Variants in ZC3H13 observed in about 807,000 individuals in gnomAD.
ZC3H13 encodes zinc finger CCCH-type containing 13.
In ZC3H13, 64 loss-of-function variants were observed where a neutral mutation model predicts 204.1. That is an observed-to-expected ratio of 0.31 (90% CI 0.26 to 0.39). ZC3H13 has a LOEUF of 0.39. ZC3H13 is among the 10% of genes least tolerant of loss of function. The pLI is 1.00. For synonymous variants in ZC3H13, 667 were observed against 693.7 expected (o/e 0.96, Z 0.60); for missense variants, 1,833 against 2,082.7 (o/e 0.88, Z 2.33).
rs1473145520 is a variant in ZC3H13 at position 46,003,135 on chromosome 13, T to G, written c.944+4A>C. 2 of 1,608,022 alleles carry G rather than the reference T, an allele frequency of 1.2e-6. No individual in the cohort carries two copies. Among genetic ancestry groups the G allele is most frequent in the Admixed American group, 3.4e-5 (2 of 59,008 alleles). On this transcript the variant is annotated splice_donor_region_variant and intron_variant, in intron 8 of 18. Coordinates refer to ENST00000679008, the MANE Select transcript of ZC3H13 (RefSeq NM_001330564.2). Reference sequence around the variant, plus strand: ...TATTGTTAAAAACATACAATCCTACTTACCTTGGCTTGTCTCTCTTTTCTC... The same window carrying G: ...TATTGTTAAAAACATACAATCCTACGTACCTTGGCTTGTCTCTCTTTTCTC...
chr13:46,050,544 T>C (rs894905937), intron 1 of ZC3H13, among the ~76,000 whole-genome samples: 2 of 152,180 alleles, frequency 1.3e-5, no homozygotes, highest in African/African-American at 2.4e-5. Flanking sequence ...TAAATCCCTA[T>C]ACTCTGAATT....
chr13:46,042,394 T>A (rs967375389), intron 3 of ZC3H13, 119 bp from the exon 4 acceptor site: 5 of 634,642 alleles, frequency 7.9e-6, no homozygotes, highest in East Asian at 3.1e-5. Flanking sequence ...CAAATCTCAA[T>A]ACACTTTTTC....
At chr13:45,976,464 T>C (rs1953057591) in intron 11 of ZC3H13, among the ~76,000 whole-genome samples, 1 of 152,236 alleles carries the variant, frequency 6.6e-6, no homozygotes. Context: ...GTAAAAAGTG[T>C]TTCATATTAG....
At position 45,985,669 on chromosome 13, in the gene ZC3H13, T is replaced by C. The variant is rs750129609; in HGVS notation, c.1348A>G (p.Arg450Gly). The change falls in exon 10 of 19, where the codon AGA becomes GGA. Residue 450 changes from arginine to glycine, a missense_variant. Physicochemically the swap from Arg to Gly is moderately radical, Grantham distance 125. Around this residue, in one of 5 missense-constraint regions of ZC3H13, gnomAD observed 1,574 missense variants for 1,757.2 expected, o/e 0.90. Transcript: ENST00000679008. ...QSSSRDHRDD[R>G]EPRDGRDRRD... ...CGATCCCGACCATCTCGAGGTTCTC[T>C]GTCATCTCTGTGGTCTCTAGAAGAG... 6.2e-6 allele frequency: 10 copies of C among 1,614,016 alleles called. No homozygotes were observed. Among genetic ancestry groups the C allele is most frequent in the Non-Finnish European group, 2.5e-6 (3 of 1,180,046 alleles).
At chr13:45,996,372 C>T (rs1179692236) in intron 8 of ZC3H13, among the ~76,000 whole-genome samples, 1 of 152,138 alleles carries the variant, frequency 6.6e-6, no homozygotes, top group Admixed American at 6.5e-5. Context: ...TGATTTACAT[C>T]TCTTCTAAAC....
At chr13:46,000,564 ACT>A (rs1227129573) in intron 8 of ZC3H13, among the ~76,000 whole-genome samples, 2 of 152,010 alleles carry the variant, frequency 1.3e-5, no homozygotes, top group Non-Finnish European at 2.9e-5. Flanking sequence ...TCCAGATTAG[ACT>A]CTGGCTTAAA....
intron 11 of ZC3H13, chr13:45,976,073 ACC>A: frequency 2.7e-6 from 2 of 740,880 alleles, no homozygotes; most frequent in Non-Finnish European, 3.3e-6. Context: ...CTCCCCGTCA[ACC>A]CCCTTCCCCC....
At chr13:46,014,593 G>A (rs977226980) in intron 5 of ZC3H13, among the ~76,000 whole-genome samples, 4 of 152,080 alleles carry the variant, frequency 2.6e-5, no homozygotes, top group African/African-American at 4.8e-5. Context: ...TGTCTGAGAC[G>A]TTTTCTAAAT....
At chr13:46,034,814 T>C (rs1167453079) in intron 4 of ZC3H13, among the ~76,000 whole-genome samples, 1 of 152,120 alleles carries the variant, frequency 6.6e-6, no homozygotes, top group Non-Finnish European at 1.5e-5. Flanking sequence ...AAGGGACATC[T>C]GGGCATAAAA....
Position 45,967,550 on chromosome 13 carries a change from C to T in ZC3H13, c.4275G>A (p.Gln1425=). 1 of 1,604,176 alleles carries T rather than the reference C, an allele frequency of 6.2e-7. No homozygotes were observed. Among genetic ancestry groups the T allele is most frequent in the Non-Finnish European group, 8.5e-7 (1 of 1,175,704 alleles). The part of the protein sequence containing the change: ...ERMDKDLGSV[Q]GFEETNKSER... ...CGGATTTATTTGTTTCTTCAAATCC[C>T]TGCACAGATCCCAGATCTTTATCCA... Residue 1425 remains glutamine, a synonymous_variant, in exon 15 of 19, where the codon CAG becomes CAA. Transcript: ENST00000679008.
chr13:45,957,260 A>T lies in ZC3H13; in HGVS notation c.4877T>A (p.Val1626Glu). The T allele has an allele frequency of 6.5e-7, 1 of 1,547,144 alleles. No homozygotes were observed. The highest frequency in any genetic ancestry group is 8.7e-7 in the Non-Finnish European group (1 of 1,145,062). Residue 1626 changes from valine (V) to glutamate (E), a missense_variant, in exon 19 of 19, where the codon GTA becomes GAA. Val to Glu is a moderately radical substitution (Grantham distance 121). Around this residue, in one of 5 missense-constraint regions of ZC3H13, gnomAD observed 211 missense variants for 228.4 expected, o/e 0.92. Coordinates refer to ENST00000679008, the MANE Select transcript of ZC3H13 (RefSeq NM_001330564.2). Reference protein sequence around the residue: ...IKQAYTSAPMVDNELLRLSLR... With the variant: ...IKQAYTSAPMEDNELLRLSLR... ...ACTCAATCGAAGTAATTCATTGTCT[A>T]CCATTGGAGCACTCGTGTAAGCTTG... is the stretch of plus-strand genomic sequence containing the variant.
Position 45,956,377 on chromosome 13 carries a change from T to C in ZC3H13, c.*750A>G, listed in dbSNP as rs908906590. ...TAAAATATCTGAAGCATGAAACATGTAATGTTGATGACTAATGTTCTAGAT... is the reference window on the plus strand; with the variant it reads ...TAAAATATCTGAAGCATGAAACATGCAATGTTGATGACTAATGTTCTAGAT... On this transcript the variant is annotated 3_prime_UTR_variant, in exon 19 of 19. Transcript: ENST00000679008. 18 of 152,114 alleles carry C rather than the reference T, an allele frequency of 1.2e-4. No individual in the cohort carries two copies. The highest frequency in any genetic ancestry group is 2.5e-4 in the Non-Finnish European group (17 of 68,000). The allele number at this position is 152,114 out of a possible 1,614,324, so 9.4% of individuals were successfully genotyped here.
At chr13:45,982,202 T>A (rs1953701711) in intron 10 of ZC3H13, among the ~76,000 whole-genome samples, 1 of 151,920 alleles carries the variant, frequency 6.6e-6, no homozygotes, top group Non-Finnish European at 1.5e-5. Context: ...ACAGCATGAT[T>A]CTACGGGTAT....
At chr13:46,010,033 A>G (rs933482834) in intron 7 of ZC3H13, 5 of 178,588 alleles carry the variant, frequency 2.8e-5, no homozygotes, top group African/African-American at 9.4e-5. Flanking sequence ...TGCAGAACAC[A>G]TATTAGTTAA....
intron 4 of ZC3H13, among the ~76,000 whole-genome samples, chr13:46,029,863 C>A (rs2042783720): frequency 6.6e-6 from 1 of 152,006 alleles, no homozygotes; most frequent in Non-Finnish European, 1.5e-5. Context: ...AAAATATTAG[C>A]AAATCAAAAA....
At position 45,969,689 on chromosome 13, in the gene ZC3H13, G is replaced by A; in HGVS notation, c.2855C>T (p.Ala952Val). The change falls in exon 14 of 19, where the codon GCT becomes GTT. Residue 952 changes from alanine (A) to valine (V), a missense_variant. Transcript: ENST00000679008. The part of the protein sequence containing the change: ...QSEDRETSDR[A>V]HDENKKKAKI... ...TGCTTTCTTCTTGTTTTCATCATGA[G>A]CTCGATCAGATGTCTCTCGATCTTC... 3.1e-6 allele frequency: 5 copies of A among 1,612,596 alleles called. No individual in the cohort carries two copies. Among genetic ancestry groups the A allele is most frequent in the Non-Finnish European group, 4.2e-6 (5 of 1,179,812 alleles).
At chr13:45,990,622 A>T (rs1490358886) in intron 8 of ZC3H13, among the ~76,000 whole-genome samples, 4 of 152,270 alleles carry the variant, frequency 2.6e-5, no homozygotes, top group African/African-American at 9.6e-5. Context: ...ATAGAAATTT[A>T]TTAACTTAAC....
rs1161290362 is a variant in ZC3H13 at position 45,967,535 on chromosome 13, T to C, written c.4290A>G (p.Thr1430=). The change falls in exon 15 of 19, where the codon ACA becomes ACG. Residue 1430 remains threonine (T), a synonymous_variant. Transcript: ENST00000679008. ...GACTCTCAGTTCTCTCGGATTTATT[T>C]GTTTCTTCAAATCCCTGCACAGATC... ...DLGSVQGFEE[T]NKSERTESLE... 2.5e-6 allele frequency: 4 copies of C among 1,572,212 alleles called. No individual in the cohort carries two copies. In the South Asian group the frequency reaches 4.8e-5, roughly 19 times the overall value.
chr13:46,012,515 G>C (rs1270451703), intron 5 of ZC3H13, among the ~76,000 whole-genome samples: 1 of 152,096 alleles, frequency 6.6e-6, no homozygotes. Context: ...TAAAACCCAA[G>C]AAAATGAACA....
Sources: gnomAD v4.1 joint callset for allele counts (sites outside exome capture counted in the v4.1 genomes callset) on GRCh38, gnomAD v4.1.1 for gene constraint, gnomAD v4.1.1 regional missense constraint, MANE v1.5 for transcripts, NCBI Gene and HGNC (gene_info 2026-07-23, HGNC 2026-07-21) for gene names.